CAMK1D: variants seen among roughly 807,000 people sequenced by gnomAD.
CAMK1D encodes the protein calcium/calmodulin-dependent protein kinase type 1D.
Under a neutral mutation model 47.7 loss-of-function variants are expected in CAMK1D, and 9 were observed. The ratio of observed to expected loss-of-function variants is 0.19; its 90% CI spans 0.11 to 0.33. CAMK1D has a LOEUF of 0.33. CAMK1D is among the 10% of genes least tolerant of loss of function. The probability of loss-of-function intolerance (pLI) is 1.00; values close to 1 mark genes in which losing one functional copy is unlikely to be tolerated. For synonymous variants in CAMK1D, 184 were observed against 184.9 expected (o/e 0.99, Z 0.04); for missense variants, 291 against 488.7 (o/e 0.60, Z 3.81).
Position 12,668,108 on chromosome 10 carries a change from G to A in CAMK1D, c.299+1298G>A, listed in dbSNP as rs116147335. ...TCTAGTTCCTTGTTCTTCTGTTTGC[G>A]TTACACTTTGCCGTATTTCTGGTTT... On this transcript the variant is annotated intron_variant, in intron 3 of 10. Transcript: ENST00000619168. Among the ~76,000 whole-genome samples the A allele has an allele frequency of 6.8e-3, 1,029 of 152,172 alleles. 10 individuals carry two copies. Among genetic ancestry groups the A allele is most frequent in the African/African-American group, 0.023 (939 of 41,514 alleles).
chr10:12,687,290 C>T (rs1832704746), intron 3 of CAMK1D, among the ~76,000 whole-genome samples: 1 of 150,938 alleles, frequency 6.6e-6, no homozygotes, highest in Non-Finnish European at 1.5e-5. Flanking sequence ...AAAAAAAATA[C>T]ACAGCATGTT....
At chr10:12,588,238 G>C (rs951774181) in intron 2 of CAMK1D, among the ~76,000 whole-genome samples, 1 of 152,040 alleles carries the variant, frequency 6.6e-6, no homozygotes, top group Non-Finnish European at 1.5e-5. Context: ...ATAGTGGTTG[G>C]GTGGGGAGAA....
At chr10:12,760,709 G>A (rs2130903932) in intron 3 of CAMK1D, 1 of 469,492 alleles carries the variant, frequency 2.1e-6, no homozygotes, top group Middle Eastern at 6.1e-4. Context: ...ACAGAACCCA[G>A]GTGTGGCTGG....
chr10:12,569,554 C>CAAA (rs561300490), intron 2 of CAMK1D, among the ~76,000 whole-genome samples: 40 of 135,836 alleles, frequency 2.9e-4, no homozygotes, highest in African/African-American at 9.6e-4. Context: ...ACTAAAAATA[C>CAAA]AAAAAAAAAA....
At chr10:12,379,035 C>T (rs1335933149) in intron 1 of CAMK1D, among the ~76,000 whole-genome samples, 1 of 152,120 alleles carries the variant, frequency 6.6e-6, no homozygotes, top group Non-Finnish European at 1.5e-5. Flanking sequence ...GTCTCAAACT[C>T]CTGATCTCAG....
rs374126074 is a variant in CAMK1D, at chr10:12,588,864, A to ATGTGTG, written c.224+35509_224+35510insGTGTGT. On this transcript the variant is annotated intron_variant, in intron 2 of 10. Transcript: ENST00000619168. ...CTTGTATATATACATGTATATGTAT[A>ATGTGTG]TATGTGTGTGTGTGTGTGTGCGTGC... Among the ~76,000 whole-genome samples the ATGTGTG allele has an allele frequency of 5.7e-3, 601 of 104,874 alleles. 2 individuals carry two copies. Among genetic ancestry groups the ATGTGTG allele is most frequent in the Non-Finnish European group, 8.4e-3 (429 of 51,002 alleles). 68.8% of individuals were successfully genotyped at this position (104,874 alleles called of 152,430 possible). A position where few individuals can be genotyped will look rare whatever the true frequency, so the allele number is the denominator to read the frequency against.
intron 1 of CAMK1D, among the ~76,000 whole-genome samples, chr10:12,353,538 C>T (rs981745927): frequency 6.6e-6 from 1 of 151,828 alleles, no homozygotes; most frequent in African/African-American, 2.4e-5. Context: ...AGAGTGGGGG[C>T]CGAATGGGAG....
rs577275212 is a variant in CAMK1D at position 12,679,806 on chromosome 10, C to T, written c.299+12996C>T. Reference sequence around the variant, plus strand: ...CTTCTGAATACCCATCTGCCTGGAGCACAGTCCCGCCCAGCACCCGGGCAT... The same window carrying T: ...CTTCTGAATACCCATCTGCCTGGAGTACAGTCCCGCCCAGCACCCGGGCAT... On this transcript the variant is annotated intron_variant, in intron 3 of 10. Coordinates refer to ENST00000619168, the MANE Select transcript of CAMK1D (RefSeq NM_153498.4). Among the ~76,000 whole-genome samples, 10 of 152,322 alleles carry T rather than the reference C, an allele frequency of 6.6e-5. No homozygotes were observed. In the South Asian group the frequency reaches 1.2e-3, roughly 19 times the overall value.
chr10:12,530,632 CTT>C, intron 1 of CAMK1D, among the ~76,000 whole-genome samples: 1 of 152,174 alleles, frequency 6.6e-6, no homozygotes, highest in Non-Finnish European at 1.5e-5. Flanking sequence ...CCAGGAAGGT[CTT>C]CCCGTGGCCT....
rs75330475 is a variant in CAMK1D, at chr10:12,447,026, T to G, written c.92+97116T>G. ...TTTTGCCATGTCTAGGATGGGTTGTTTAAGACAACGTCTCCTTTTCTGGGA... is the reference window on the plus strand; with the variant it reads ...TTTTGCCATGTCTAGGATGGGTTGTGTAAGACAACGTCTCCTTTTCTGGGA... On this transcript the variant is annotated intron_variant, in intron 1 of 10. Transcript: ENST00000619168. Among the ~76,000 whole-genome samples, 807 of 152,300 alleles carry G rather than the reference T, an allele frequency of 5.3e-3. 11 individuals are homozygous for G. Among genetic ancestry groups the G allele is most frequent in the African/African-American group, 0.018 (768 of 41,554 alleles).
rs1833490989 is a variant in CAMK1D, at chr10:12,835,465, A to G, written c.*6578A>G. 6.6e-6 allele frequency: 1 copy of G among 152,242 alleles called. No individual in the cohort carries two copies. 9.4% of individuals were successfully genotyped at this position (152,242 alleles called of 1,614,324 possible). ...ATTCTCTGCCTTGACAATCATGTAT[A>G]CATATCAAGATTTCTATCATAATGA... On this transcript the variant is annotated 3_prime_UTR_variant, in exon 11 of 11. Transcript: ENST00000619168.
intron 2 of CAMK1D, among the ~76,000 whole-genome samples, chr10:12,627,168 G>A (rs1283345005): frequency 1.4e-5 from 2 of 144,990 alleles, no homozygotes; most frequent in South Asian, 2.2e-4. Flanking sequence ...TGCAAGCTCC[G>A]CCTCCCGGGT....
chr10:12,762,767 C>T (rs950001818), intron 4 of CAMK1D, among the ~76,000 whole-genome samples: 5 of 152,124 alleles, frequency 3.3e-5, no homozygotes, highest in Non-Finnish European at 5.9e-5. Flanking sequence ...AGCTCATGTT[C>T]GGGGCCTGGA....
intron 2 of CAMK1D, among the ~76,000 whole-genome samples, chr10:12,571,467 A>G (rs1227307884): frequency 1.3e-5 from 2 of 150,934 alleles, no homozygotes; most frequent in South Asian, 4.2e-4. Flanking sequence ...AAAAAAAAAA[A>G]AAAAGAAAAA....
chr10:12,694,102 A>T (rs71489181), intron 3 of CAMK1D, among the ~76,000 whole-genome samples: 763 of 19,110 alleles, frequency 0.04, 11 homozygotes, highest in Non-Finnish European at 0.046. Flanking sequence ...ATATTATATA[A>T]TATATAATAT....
At chr10:12,405,097 T>C (rs141004028) in intron 1 of CAMK1D, among the ~76,000 whole-genome samples, 2 of 152,330 alleles carry the variant, frequency 1.3e-5, no homozygotes, top group Non-Finnish European at 2.9e-5. Context: ...TCACTGCATG[T>C]TGAATTGACA....
intron 2 of CAMK1D, among the ~76,000 whole-genome samples, chr10:12,560,233 A>G (rs1204393032): frequency 6.6e-6 from 1 of 152,126 alleles, no homozygotes; most frequent in Non-Finnish European, 1.5e-5. Flanking sequence ...TGTGCCTGTT[A>G]GAGAAACTGA....
chr10:12,648,385 A>T (rs900870169), intron 2 of CAMK1D, among the ~76,000 whole-genome samples: 5 of 152,212 alleles, frequency 3.3e-5, no homozygotes, highest in African/African-American at 9.7e-5. Flanking sequence ...TTATGTTTTC[A>T]GTGCTCCGCA....
intron 8 of CAMK1D, among the ~76,000 whole-genome samples, chr10:12,817,531 A>G (rs1832847697): frequency 6.6e-6 from 1 of 152,208 alleles, no homozygotes; most frequent in Non-Finnish European, 1.5e-5. Context: ...CTAGGTTTAC[A>G]CTTGACTTTT....
Sources: allele counts gnomAD v4.1 joint callset (sites outside exome capture counted in the v4.1 genomes callset), GRCh38; gene constraint gnomAD v4.1.1; transcripts MANE v1.5; gene names NCBI Gene and HGNC (gene_info 2026-07-23, HGNC 2026-07-21).